The following PPP2R1B variants were observed in gnomAD, a reference collection of about 807,000 sequenced individuals.
The protein encoded by PPP2R1B is protein phosphatase 2 scaffold subunit Abeta, also known as serine/threonine-protein phosphatase 2A 65 kDa regulatory subunit A beta isoform.
Under a neutral mutation model 72.7 loss-of-function variants are expected in PPP2R1B, and 58 were observed. The observed-to-expected ratio is 0.80, with a 90% CI of 0.65 to 0.99. The LOEUF is 0.99. PPP2R1B is among the 50% of genes least tolerant of loss of function. The pLI is 0.00. For missense variants in PPP2R1B, 695 were observed against 733.6 expected (o/e 0.95, Z 0.61); for synonymous variants, 256 against 264.6 (o/e 0.97, Z 0.32).
chr11:111,743,942 A>C (rs1040091953), intron 11 of PPP2R1B, among the ~76,000 whole-genome samples: 3 of 152,230 alleles, frequency 2.0e-5, no homozygotes, highest in Admixed American at 6.5e-5. Flanking sequence ...GTAGCAGTGC[A>C]GAGAAGAGTG....
the PPP2R1B span, chr11:111,701,076 T>C: frequency 6.4e-7 from 1 of 1,560,014 alleles, no homozygotes; most frequent in Non-Finnish European, 8.7e-7. The surrounding 1 kb of genome is among the most constrained non-coding windows in gnomAD (Gnocchi z 4.2). Context: ...TTCTGGCCCA[T>C]CTTAGAAGCT....
intron 15 of PPP2R1B, chr11:111,730,256 G>T: frequency 6.6e-6 from 1 of 152,234 alleles, no homozygotes; most frequent in Non-Finnish European, 1.5e-5. Flanking sequence ...ACATTCCCCA[G>T]TGCAGATAAT....
chr11:111,720,415 G>A, the PPP2R1B span: 2 of 1,478,110 alleles, frequency 1.4e-6, no homozygotes, highest in Non-Finnish European at 1.8e-6. Context: ...GTTATGCTTT[G>A]TACCCTATGT....
chr11:111,724,665 A>T (rs1353823013), downstream of PPP2R1B: 1 of 156,922 alleles, frequency 6.4e-6, no homozygotes, highest in African/African-American at 2.4e-5. Flanking sequence ...TTAGCTGCTG[A>T]TGCAAGTTGT....
the PPP2R1B span, chr11:111,721,696 TA>T: frequency 1.7e-6 from 1 of 600,248 alleles, no homozygotes. Context: ...ACTGGCTCTG[TA>T]AAAGCTTTGA....
chr11:111,737,610 G>A (rs749070836), downstream of PPP2R1B: 45 of 1,612,666 alleles, frequency 2.8e-5, 1 homozygote, highest in South Asian at 4.9e-4. Flanking sequence ...TCCCTGACCA[G>A]GGCACATCCC....
At chr11:111,711,485 C>T in the PPP2R1B span, among the ~76,000 whole-genome samples, 1 of 152,320 alleles carries the variant, frequency 6.6e-6, no homozygotes, top group South Asian at 2.1e-4. Context: ...ACAAACGAGA[C>T]GTGAGAACAG....
At chr11:111,709,885 G>C in the PPP2R1B span, among the ~76,000 whole-genome samples, 3 of 152,206 alleles carry the variant, frequency 2.0e-5, no homozygotes, top group African/African-American at 7.2e-5. Context: ...TATGTGCTAC[G>C]CTTGGTCTGG....
At chr11:111,754,464 T>C in intron 8 of PPP2R1B, 35 bp downstream of exon 8, 1 of 1,583,158 alleles carries the variant, frequency 6.3e-7, no homozygotes, top group South Asian at 1.2e-5. Context: ...TACCTTCATA[T>C]AAAAGAGAGT....
chr11:111,742,406 A>C (rs1944554554), intron 13 of PPP2R1B, 117 bp downstream of exon 13: 1 of 1,210,968 alleles, frequency 8.3e-7, no homozygotes, highest in African/African-American at 1.5e-5. Context: ...TTCTTTAAGC[A>C]AACCCAGATC....
chr11:111,701,046 T>C, the PPP2R1B span: 2 of 1,597,548 alleles, frequency 1.3e-6, no homozygotes, highest in East Asian at 2.2e-5. The surrounding 1 kb of genome is among the most constrained non-coding windows in gnomAD (Gnocchi z 4.2). Context: ...TAAATGCATC[T>C]ATACTGATAA....
At chr11:111,709,215 G>A in the PPP2R1B span, among the ~76,000 whole-genome samples, 3 of 152,016 alleles carry the variant, frequency 2.0e-5, no homozygotes, top group African/African-American at 4.8e-5. Flanking sequence ...TTTTCTCTGC[G>A]CAAGTGTGGA....
the PPP2R1B span, chr11:111,712,295 G>T: frequency 1.2e-6 from 2 of 1,614,026 alleles, no homozygotes; most frequent in East Asian, 2.2e-5. Context: ...GGCATCCAAC[G>T]TGGAGGCCTT....
chr11:111,688,369 A>G, the PPP2R1B span, among the ~76,000 whole-genome samples: 9 of 152,354 alleles, frequency 5.9e-5, no homozygotes, highest in African/African-American at 1.7e-4. This position sits in a 1 kb window ranked among gnomAD's most constrained non-coding sequence, Gnocchi z 4.2. Flanking sequence ...GGTCAGAGCT[A>G]CATCTGGGGT....
Position 111,759,890 on chromosome 11 carries a change from A to G in PPP2R1B, c.601T>C (p.Leu201=). 1 of 1,614,120 alleles carries G rather than the reference A, an allele frequency of 6.2e-7. No homozygotes were observed. Among genetic ancestry groups the G allele is most frequent in the South Asian group, 1.1e-5 (1 of 91,076 alleles). The stretch of plus-strand genomic sequence containing the variant: ...TCCAAAACTTTTGCAAATTCACCCA[A>G]TTTGGAAGCAGCAGCACGTCGTACC... The part of the protein sequence containing the change: ...PMVRRAAASK[L]GEFAKVLELD... Residue 201 remains leucine, a synonymous_variant, in exon 5 of 15, where the codon TTG becomes CTG. Coordinates refer to ENST00000527614, the MANE Select transcript of PPP2R1B (RefSeq NM_002716.5).
At chr11:111,690,148 T>A in the PPP2R1B span, among the ~76,000 whole-genome samples, 2 of 152,138 alleles carry the variant, frequency 1.3e-5, no homozygotes, top group African/African-American at 4.8e-5. Flanking sequence ...GGCCCTTCCA[T>A]TTGGTGTCAT....
chr11:111,690,272 CTT>C, the PPP2R1B span, among the ~76,000 whole-genome samples: 58 of 130,414 alleles, frequency 4.4e-4, no homozygotes, highest in East Asian at 7.2e-4. Flanking sequence ...GAAGGTCTTT[CTT>C]TTTTTTTTTT....
intron 7 of PPP2R1B, among the ~76,000 whole-genome samples, 173 bp downstream of exon 7, chr11:111,754,807 G>T (rs1473335637): frequency 6.6e-6 from 1 of 151,830 alleles, no homozygotes; most frequent in African/African-American, 2.4e-5. Flanking sequence ...TGATTTCTTG[G>T]TTTTAAATAT....
At chr11:111,748,587 G>T (rs560565353) in intron 10 of PPP2R1B, among the ~76,000 whole-genome samples, 5 of 152,148 alleles carry the variant, frequency 3.3e-5, no homozygotes, top group African/African-American at 4.8e-5. Flanking sequence ...TGTTCCTCCC[G>T]ACTGTCAACA....
Sources: allele counts gnomAD v4.1 joint callset (sites outside exome capture counted in the v4.1 genomes callset), GRCh38; gene constraint gnomAD v4.1.1; non-coding constraint Gnocchi (gnomAD v3.1); transcripts MANE v1.5; gene names NCBI Gene and HGNC (gene_info 2026-07-23, HGNC 2026-07-21).